The following ZNF682 variants were observed in gnomAD, a reference collection of about 807,000 sequenced individuals.
ZNF682 encodes zinc finger protein 682.
A neutral mutation model predicts 36.5 loss-of-function variants in ZNF682; 29 were observed. The observed-to-expected ratio is 0.80, with a 90% CI of 0.59 to 1.08. ZNF682 has a LOEUF of 1.08. Ranked by LOEUF, ZNF682 falls within the 50% of genes least tolerant of loss-of-function variation. The probability of loss-of-function intolerance (pLI) is 0.00; values close to 1 mark genes in which losing one functional copy is unlikely to be tolerated. For synonymous variants in ZNF682, 180 were observed against 197.0 expected (o/e 0.91, Z 0.72); for missense variants, 561 against 579.7 (o/e 0.97, Z 0.33).
rs1255772936 is a variant in ZNF682, at chr19:20,015,154, A to T, written c.226+7850T>A. ...AAACAATTACACCTAAAATAAAGTT[A>T]TAAAGCTTTTCAAAAATTACCTTCA... On this transcript the variant is annotated intron_variant, in intron 3 of 3. Coordinates refer to ENST00000397165, the MANE Select transcript of ZNF682 (RefSeq NM_033196.3). 1.2e-5 allele frequency: 12 copies of T among 968,390 alleles called. No individual in the cohort carries two copies. In the Admixed American group the frequency reaches 1.8e-4, roughly 15 times the overall value. 60.0% of individuals were successfully genotyped at this position (968,390 alleles called of 1,614,324 possible). A position where few individuals can be genotyped will look rare whatever the true frequency, so the allele number is the denominator to read the frequency against.
chr19:20,002,900 GAAC>G (rs991391016), downstream of ZNF682, among the ~76,000 whole-genome samples: 4 of 152,066 alleles, frequency 2.6e-5, no homozygotes, highest in East Asian at 3.9e-4. Context: ...AAAATTAAAA[GAAC>G]AACAAGGCCA....
At chr19:20,010,054 G>C (rs2088269892) in intron 3 of ZNF682, among the ~76,000 whole-genome samples, 1 of 151,002 alleles carries the variant, frequency 6.6e-6, no homozygotes, top group African/African-American at 2.4e-5. Flanking sequence ...AAAAAAAAAA[G>C]AAATTCCAAT....
intron 3 of ZNF682, among the ~76,000 whole-genome samples, chr19:20,014,521 C>T (rs1011992154): frequency 6.6e-6 from 1 of 151,662 alleles, no homozygotes; most frequent in Non-Finnish European, 1.5e-5. Flanking sequence ...CCTGTAATCC[C>T]AGGACTTTGG....
chr19:20,026,510 G>C (rs552684103), intron 1 of ZNF682, among the ~76,000 whole-genome samples: 1 of 152,198 alleles, frequency 6.6e-6, no homozygotes, highest in Non-Finnish European at 1.5e-5. Flanking sequence ...CTATCGCCCA[G>C]GCTGGAGTGC....
chr19:20,016,952 G>C (rs1422947911), intron 3 of ZNF682, among the ~76,000 whole-genome samples: 1 of 152,030 alleles, frequency 6.6e-6, no homozygotes, highest in Non-Finnish European at 1.5e-5. Flanking sequence ...AATAACAAAG[G>C]ATGTAAAAAG....
chr19:20,029,389 T>C (rs2088460560), intron 1 of ZNF682, among the ~76,000 whole-genome samples: 1 of 149,762 alleles, frequency 6.7e-6, no homozygotes. Context: ...TCACCTGAGG[T>C]CAGGAGTTTG....
downstream of ZNF682, among the ~76,000 whole-genome samples, chr19:20,003,074 C>G (rs969075629): frequency 6.7e-6 from 1 of 150,122 alleles, no homozygotes; most frequent in Non-Finnish European, 1.5e-5. Context: ...GCCTGTAGTC[C>G]CAGCTACTCG....
intron 1 of ZNF682, among the ~76,000 whole-genome samples, chr19:20,032,542 A>G (rs2088488252): frequency 6.6e-6 from 1 of 152,204 alleles, no homozygotes; most frequent in African/African-American, 2.4e-5. Flanking sequence ...CAAGAGGGAA[A>G]GACCCTCTAG....
chr19:19,995,564 G>C (rs117128253), downstream of ZNF682, among the ~76,000 whole-genome samples: 1,033 of 152,234 alleles, frequency 6.8e-3, 4 homozygotes, highest in Non-Finnish European at 8.5e-3. Context: ...CTGAAACAGC[G>C]CGGGATGAAT....
chr19:19,997,039 A>C, downstream of ZNF682: 1 of 390,186 alleles, frequency 2.6e-6, no homozygotes, highest in Non-Finnish European at 4.5e-6. Flanking sequence ...GATAGAGAAG[A>C]GGCAGACAGA....
At chr19:20,032,223 G>A (rs1016943534) in intron 1 of ZNF682, among the ~76,000 whole-genome samples, 4 of 152,198 alleles carry the variant, frequency 2.6e-5, no homozygotes, top group African/African-American at 9.6e-5. Context: ...GCAGAGGTAT[G>A]GGAAAGTAGC....
intron 3 of ZNF682, among the ~76,000 whole-genome samples, chr19:20,019,815 C>G (rs569792463): frequency 6.6e-6 from 1 of 152,174 alleles, no homozygotes; most frequent in Admixed American, 6.5e-5. Context: ...TCAAGAGACA[C>G]TTATATTTTT....
At chr19:20,002,864 G>A (rs1282644226), downstream of ZNF682, among the ~76,000 whole-genome samples, 4 of 152,036 alleles carry the variant, frequency 2.6e-5, no homozygotes, top group Admixed American at 2.6e-4. Flanking sequence ...AACCCAATAA[G>A]ATCAATAAAC....
At chr19:19,995,432 G>C (rs2088124040), downstream of ZNF682, among the ~76,000 whole-genome samples, 1 of 152,236 alleles carries the variant, frequency 6.6e-6, no homozygotes, top group East Asian at 1.9e-4. Context: ...TTGGCATGAG[G>C]CTTAGTCATG....
chr19:20,004,172 A>T (rs996554419), downstream of ZNF682, among the ~76,000 whole-genome samples: 1 of 152,234 alleles, frequency 6.6e-6, no homozygotes, highest in Non-Finnish European at 1.5e-5. Context: ...ATGCCTGTGT[A>T]ATTTTCATAA....
intron 3 of ZNF682, among the ~76,000 whole-genome samples, chr19:20,022,404 A>C (rs1308688227): frequency 2.0e-5 from 3 of 151,962 alleles, no homozygotes; most frequent in African/African-American, 7.3e-5. Context: ...ATGGTGGCTC[A>C]TGCCTGTAAT....
downstream of ZNF682, among the ~76,000 whole-genome samples, chr19:20,003,190 C>CAAAAA (rs755953644): frequency 5.0e-3 from 164 of 33,104 alleles, 3 homozygotes; most frequent in East Asian, 0.011. Flanking sequence ...GACTCCGTCT[C>CAAAAA]AAAAAAAAAA....
In ZNF682 at chr19:20,023,227, G is replaced by A. The variant is rs563061047; in HGVS notation, c.131-128C>T. On this transcript the variant is annotated intron_variant, in intron 2 of 3. Transcript: ENST00000397165. ...GAAAATTAATAATAAGGACAGGCGCGTTGGCTCATACCTGTAATCCCAACA... is the reference window on the plus strand; with the variant it reads ...GAAAATTAATAATAAGGACAGGCGCATTGGCTCATACCTGTAATCCCAACA... 15 of 801,198 alleles carry A rather than the reference G, an allele frequency of 1.9e-5. No individual in the cohort carries two copies. In the South Asian group the frequency reaches 2.2e-4, roughly 12 times the overall value. The allele number at this position is 801,198 out of a possible 1,614,324, so 49.6% of individuals were successfully genotyped here. A position where few individuals can be genotyped will look rare whatever the true frequency, so the allele number is the denominator to read the frequency against.
intron 3 of ZNF682, among the ~76,000 whole-genome samples, chr19:20,009,458 G>A (rs901983088): frequency 2.6e-5 from 4 of 152,148 alleles, no homozygotes; most frequent in African/African-American, 9.7e-5. Flanking sequence ...ACATACGTAA[G>A]GATATAATCT....
Sources: allele counts gnomAD v4.1 joint callset (sites outside exome capture counted in the v4.1 genomes callset), GRCh38; gene constraint gnomAD v4.1.1; transcripts MANE v1.5; gene names NCBI Gene and HGNC (gene_info 2026-07-23, HGNC 2026-07-21).